Variants in ZNF208 observed in about 807,000 individuals in gnomAD.
The protein encoded by ZNF208 is zinc finger protein 208.
ZNF208 carries 10 observed loss-of-function variants against 12.1 expected under a neutral mutation model. The ratio of observed to expected loss-of-function variants is 0.83; its 90% CI spans 0.51 to 1.40. The LOEUF (loss-of-function observed/expected upper bound fraction) is 1.40. ZNF208 is among the 40% of genes most tolerant of loss of function. The pLI is 0.00. For synonymous variants in ZNF208, 497 were observed against 488.4 expected, an observed-to-expected ratio of 1.02 and a Z score of -0.23; for missense variants, 1,652 against 1,485.0, an observed-to-expected ratio of 1.11 and a Z score of -1.85.
intron 3 of ZNF208, among the ~76,000 whole-genome samples, chr19:21,983,829 C>T (rs1281080468): frequency 6.6e-6 from 1 of 151,926 alleles, no homozygotes; most frequent in Non-Finnish European, 1.5e-5. Context: ...GGAAGGGGAA[C>T]ATCACACACC....
chr19:22,005,994 A>T (rs530778418), intron 1 of ZNF208, among the ~76,000 whole-genome samples: 1 of 151,930 alleles, frequency 6.6e-6, no homozygotes, highest in African/African-American at 2.4e-5. Context: ...TCTTCTTCTC[A>T]TTAAAAAAAT....
rs200134267 is a variant in ZNF208 at position 21,973,785 on chromosome 19, C to G, written c.1249G>C (p.Val417Leu). The G allele has an allele frequency of 2.1e-3, 3,377 of 1,604,754 alleles. 3 individuals are homozygous for G. Among genetic ancestry groups the G allele is most frequent in the Non-Finnish European group, 2.6e-3 (3,087 of 1,173,308 alleles). ...SMFSILTKHE[V>L]IHTGEKPYKC... ...TAGGGTTTCTCTCCAGTATGAATGACCTCATGTTTAGTAAGGATTGAGAAC... is the reference window on the plus strand; with the variant it reads ...TAGGGTTTCTCTCCAGTATGAATGAGCTCATGTTTAGTAAGGATTGAGAAC... Residue 417 changes from valine to leucine, a missense_variant, in exon 4 of 4, where the codon GTC becomes CTC. This residue lies in a region of ZNF208 where 1,239 missense variants were observed against 1,086.2 expected (regional missense o/e 1.14). Coordinates refer to ENST00000397126, the MANE Select transcript of ZNF208 (RefSeq NM_007153.3).
chr19:21,961,981 C>A (rs143881598), downstream of ZNF208, among the ~76,000 whole-genome samples: 854 of 152,106 alleles, frequency 5.6e-3, 1 homozygote, highest in African/African-American at 0.019. Flanking sequence ...AGGAAGATAA[C>A]AGGATTAAGA....
chr19:22,010,932 G>C lies in ZNF208; in HGVS notation c.-138C>G. 1 of 1,310,268 alleles carries C rather than the reference G, an allele frequency of 7.6e-7. No homozygotes were observed. Among genetic ancestry groups the C allele is most frequent in the Non-Finnish European group, 1.1e-6 (1 of 918,496 alleles). The allele number at this position is 1,310,268 out of a possible 1,614,324, so 81.2% of individuals were successfully genotyped here. ...CGAGACCTTGACCTCCGGCTGCAGC[G>C]AGAGACAAAGGACCGACCACATCCC... On this transcript the variant is annotated 5_prime_UTR_variant, in exon 1 of 4. Transcript: ENST00000397126.
In ZNF208 at chr19:22,010,705, G is replaced by A. The variant is rs1017829548; in HGVS notation, c.3+87C>T. 4.3e-5 allele frequency: 69 copies of A among 1,598,864 alleles called. No homozygotes were observed. The Middle Eastern group carries it at 5.0e-4, about 11-fold the overall frequency. On this transcript the variant is annotated intron_variant, in intron 1 of 3. Coordinates refer to ENST00000397126, the MANE Select transcript of ZNF208 (RefSeq NM_007153.3). The stretch of plus-strand genomic sequence containing the variant: ...GGCACAGATGTGGAGCTGACTGCGG[G>A]GAGGCCTGAGTCCCGCCACAGCCAC...
rs939280750 is a variant in ZNF208 at position 21,969,785 on chromosome 19, T to C, written c.*1406A>G. 6.6e-6 allele frequency among the ~76,000 whole-genome samples: 1 copy of C among 152,190 alleles called. No individual in the cohort carries two copies. Among genetic ancestry groups the C allele is most frequent in the African/African-American group, 2.4e-5 (1 of 41,470 alleles). ...TGTTTCCTCAAAATAAATATTCTTC[T>C]GTACTTTAACAGCTTTTATTTTCTG... On this transcript the variant is annotated 3_prime_UTR_variant, in exon 4 of 4. Transcript: ENST00000397126.
At chr19:22,004,014 G>A (rs549844148) in intron 1 of ZNF208, among the ~76,000 whole-genome samples, 60 of 151,590 alleles carry the variant, frequency 4.0e-4, no homozygotes, top group African/African-American at 1.4e-3. Context: ...AAAAAAAAAA[G>A]TACAAAAATA....
chr19:21,940,018 C>A (rs1304245680), intron 4 of ZNF208: 1 of 152,106 alleles, frequency 6.6e-6, no homozygotes, highest in Non-Finnish European at 1.5e-5. Context: ...TTTAAAACTT[C>A]TAGGAGAGGC....
rs533511875 is a variant in ZNF208 at position 21,973,707 on chromosome 19, G to A, written c.1327C>T (p.His443Tyr). ...AFNWSSNLME[H>Y]KKIHTGETPY... Reference sequence around the variant, plus strand: ...GTCTCTCCAGTGTGAATTTTCTTATGTTCCATAAGGTTTGAGGACCAGTTG... The same window carrying A: ...GTCTCTCCAGTGTGAATTTTCTTATATTCCATAAGGTTTGAGGACCAGTTG... Residue 443 changes from histidine (H) to tyrosine (Y), a missense_variant, in exon 4 of 4, where the codon CAT becomes TAT. Physicochemically the swap from His to Tyr is moderately conservative, Grantham distance 83 (BLOSUM62 2). Coordinates refer to ENST00000397126, the MANE Select transcript of ZNF208 (RefSeq NM_007153.3). The A allele has an allele frequency of 1.3e-6, 2 of 1,571,790 alleles. No homozygotes were observed. The highest frequency in any genetic ancestry group is 3.4e-5 in the Admixed American group (2 of 58,994).
intron 4 of ZNF208, among the ~76,000 whole-genome samples, chr19:21,955,190 G>C: frequency 6.6e-6 from 1 of 152,180 alleles, no homozygotes; most frequent in Admixed American, 6.5e-5. Context: ...AGTTTCTGCT[G>C]AGATCAGCTG....
At chr19:21,984,254 A>G (rs1270382969) in intron 3 of ZNF208, among the ~76,000 whole-genome samples, 1 of 152,190 alleles carries the variant, frequency 6.6e-6, no homozygotes, top group Non-Finnish European at 1.5e-5. Context: ...ATAGAAAAAA[A>G]CTGAAAACAA....
At position 21,971,185 on chromosome 19, in the gene ZNF208, A is replaced by C. The variant is rs1970272989; in HGVS notation, c.*6T>G. ...ACTTATAGGCTTTGCCACATTCTTCACATTTCTAGAGTTTCTCTCCAGTAT... is the reference window on the plus strand; with the variant it reads ...ACTTATAGGCTTTGCCACATTCTTCCCATTTCTAGAGTTTCTCTCCAGTAT... On this transcript the variant is annotated 3_prime_UTR_variant, in exon 4 of 4. Transcript: ENST00000397126. 1 of 1,612,148 alleles carries C rather than the reference A, an allele frequency of 6.2e-7. No homozygotes were observed. The highest frequency in any genetic ancestry group is 1.7e-5 in the Admixed American group (1 of 59,714).
chr19:22,010,704 G>T (rs1229041509), intron 1 of ZNF208, 88 bp downstream of exon 1: 4 of 1,598,880 alleles, frequency 2.5e-6, no homozygotes, highest in African/African-American at 2.7e-5. Context: ...GCTGACTGCG[G>T]GGAGGCCTGA....
At chr19:21,962,934 CAAT>C (rs1373878540), downstream of ZNF208, among the ~76,000 whole-genome samples, 3 of 151,896 alleles carry the variant, frequency 2.0e-5, no homozygotes, top group African/African-American at 4.8e-5. Flanking sequence ...TCAATAGAAA[CAAT>C]AATATTATGA....
intron 4 of ZNF208, among the ~76,000 whole-genome samples, chr19:21,959,501 G>A (rs539252245): frequency 1.7e-4 from 26 of 152,252 alleles, no homozygotes; most frequent in African/African-American, 6.3e-4. Flanking sequence ...TTCACCAGAA[G>A]AATACCTTTG....
chr19:22,008,956 T>C (rs911767911), intron 1 of ZNF208, among the ~76,000 whole-genome samples: 1 of 152,076 alleles, frequency 6.6e-6, no homozygotes, highest in African/African-American at 2.4e-5. Context: ...GACATAGCCA[T>C]GGCGGGTATC....
chr19:21,953,042 A>G (rs1969917411), intron 4 of ZNF208, among the ~76,000 whole-genome samples: 1 of 152,258 alleles, frequency 6.6e-6, no homozygotes, highest in Non-Finnish European at 1.5e-5. Context: ...TAGCCAATTC[A>G]GTTAAGCGGA....
At chr19:21,966,076 G>C (rs1451246091), downstream of ZNF208, 1 of 150,300 alleles carries the variant, frequency 6.7e-6, no homozygotes, top group Non-Finnish European at 1.5e-5. Flanking sequence ...ACCCAGCACT[G>C]GAAAAATAGA....
rs188549238 is a variant in ZNF208, at chr19:21,947,370, C to G, written c.306-14133G>C. ...ATTTTTGTTTGTTCTGGGGCATATG[C>G]TATAGGAACAGCCTATCAAAACCCA... On this transcript the variant is annotated intron_variant, in intron 4 of 4. Transcript: ENST00000599916. 2.5e-3 allele frequency among the ~76,000 whole-genome samples: 376 copies of G among 152,288 alleles called. 1 individual carries two copies. Among genetic ancestry groups the G allele is most frequent in the Admixed American group, 5.4e-3 (83 of 15,280 alleles).
Sources: gnomAD v4.1 joint callset for allele counts (sites outside exome capture counted in the v4.1 genomes callset) on GRCh38, gnomAD v4.1.1 for gene constraint, gnomAD v4.1.1 regional missense constraint, MANE v1.5 for transcripts, NCBI Gene and HGNC (gene_info 2026-07-23, HGNC 2026-07-21) for gene names.